Variants in TRPM4 observed in about 807,000 individuals in gnomAD.
TRPM4 encodes the protein calcium-activated non-selective cation channel 1.
In TRPM4, 124 loss-of-function variants were observed where a neutral mutation model predicts 135.6. The observed-to-expected ratio is 0.91, with a 90% CI of 0.79 to 1.06. TRPM4 has a LOEUF of 1.06. TRPM4 is among the 50% of genes least tolerant of loss of function. The probability of loss-of-function intolerance (pLI) is 0.00; values close to 1 mark genes in which losing one functional copy is unlikely to be tolerated. For missense variants in TRPM4, 1,658 were observed against 1,671.4 expected (o/e 0.99, Z 0.14); for synonymous variants, 745 against 705.6 (o/e 1.06, Z -0.88).
intron 1 of TRPM4, 110 bp from the exon 2 acceptor site, chr19:49,158,082 G>A: frequency 7.6e-7 from 1 of 1,319,426 alleles, no homozygotes. Flanking sequence ...TGGGGGCCCG[G>A]ACTCCTGTGT....
chr19:49,195,792 T>C (rs1045742277), intron 16 of TRPM4, among the ~76,000 whole-genome samples: 3 of 150,988 alleles, frequency 2.0e-5, no homozygotes, highest in Non-Finnish European at 2.9e-5. Context: ...CAAGTGATCC[T>C]CCCATTTCAG....
intron 2 of TRPM4, among the ~76,000 whole-genome samples, chr19:49,162,723 G>A (rs755077176): frequency 2.0e-5 from 3 of 152,086 alleles, no homozygotes; most frequent in African/African-American, 7.2e-5. Context: ...CTGGCCACAG[G>A]GGGCTACTGG....
Position 49,210,483 on chromosome 19 carries a change from C to G in TRPM4, c.3328+78C>G. ...GAAGGCGAGGGGAAGGGGGCATGCCCCAAATGACTAACGGGCGTGGCTTAG... is the reference window on the plus strand; with the variant it reads ...GAAGGCGAGGGGAAGGGGGCATGCCGCAAATGACTAACGGGCGTGGCTTAG... On this transcript the variant is annotated intron_variant, in intron 21 of 24. Coordinates refer to ENST00000252826, the MANE Select transcript of TRPM4 (RefSeq NM_017636.4). The surrounding 1 kb of genome is among the most constrained non-coding windows in gnomAD (Gnocchi z 4.1). 6.5e-7 allele frequency: 1 copy of G among 1,546,532 alleles called. No individual in the cohort carries two copies. The highest frequency in any genetic ancestry group is 1.1e-5 in the South Asian group (1 of 88,640).
At chr19:49,170,262 C>T (rs1967401861) in intron 6 of TRPM4, among the ~76,000 whole-genome samples, 1 of 152,124 alleles carries the variant, frequency 6.6e-6, no homozygotes, top group East Asian at 1.9e-4. Context: ...GATCTCAGCT[C>T]ACTGCAACTT....
At chr19:49,172,186 A>G in intron 9 of TRPM4, 78 bp downstream of exon 9, 1 of 1,113,818 alleles carries the variant, frequency 9.0e-7, no homozygotes, top group South Asian at 1.3e-5. Flanking sequence ...CACTTCATCC[A>G]CCCTCTCTAA....
rs775649593 is a variant in TRPM4, at chr19:49,167,982, C to T, written c.333C>T (p.Gly111=). The T allele has an allele frequency of 1.2e-6, 2 of 1,614,070 alleles. No individual in the cohort carries two copies. Among genetic ancestry groups the T allele is most frequent in the East Asian group, 2.2e-5 (1 of 44,886 alleles). Residue 111 remains glycine (G), a synonymous_variant, in exon 4 of 25, where the codon GGC becomes GGT. Transcript: ENST00000252826. ...AVYSLVTRTW[G]FRAPNLVVSV... is the part of the protein sequence containing the mutation. ...ATAGTCTGGTCACACGCACATGGGG[C>T]TTCCGTGCCCCGAACCTGGTGGTGT...
intron 12 of TRPM4, among the ~76,000 whole-genome samples, chr19:49,183,645 C>T (rs1968084794): frequency 6.6e-6 from 1 of 151,802 alleles, no homozygotes; most frequent in Non-Finnish European, 1.5e-5. Flanking sequence ...TCAAGTGATC[C>T]ACCCGCCTCG....
intron 3 of TRPM4, chr19:49,167,534 C>T (rs1171231573): frequency 4.0e-4 from 95 of 235,208 alleles, no homozygotes; most frequent in African/African-American, 1.5e-3. Context: ...TCTTTGTCCC[C>T]GTCTCTCTGG....
At chr19:49,206,805 ATCTAGGTGT>A (rs1344917447) in intron 20 of TRPM4, among the ~76,000 whole-genome samples, 3 of 152,160 alleles carry the variant, frequency 2.0e-5, no homozygotes, top group Non-Finnish European at 4.4e-5. Context: ...TTGATATTTC[ATCTAGGTGT>A]TCTTTTTAAT....
intron 20 of TRPM4, among the ~76,000 whole-genome samples, chr19:49,207,812 C>T (rs1052630491): frequency 6.6e-6 from 1 of 151,774 alleles, no homozygotes; most frequent in African/African-American, 2.4e-5. Flanking sequence ...TGTGCAGAGA[C>T]AAGAGATTGT....
intron 15 of TRPM4, among the ~76,000 whole-genome samples, 171 bp downstream of exon 15, chr19:49,190,491 G>T (rs898468931): frequency 6.6e-6 from 1 of 152,146 alleles, no homozygotes; most frequent in Non-Finnish European, 1.5e-5. Flanking sequence ...GTTTTGGGGG[G>T]GATCCTCCCT....
In TRPM4 at chr19:49,211,677, C is replaced by T. The variant is rs1007549924; in HGVS notation, c.*179C>T. On this transcript the variant is annotated 3_prime_UTR_variant, in exon 25 of 25. Transcript: ENST00000252826. The surrounding 1 kb of genome is among the most constrained non-coding windows in gnomAD (Gnocchi z 4.8). The stretch of plus-strand genomic sequence containing the variant: ...TCATCCTTACAAACCACAGCATGCC[C>T]GGCTCCTCCCAGAACCAGTCCCAGC... 27 of 800,158 alleles carry T rather than the reference C, an allele frequency of 3.4e-5. No homozygotes were observed. Among genetic ancestry groups the T allele is most frequent in the Middle Eastern group, 2.9e-4 (1 of 3,414 alleles). The allele number at this position is 800,158 out of a possible 1,614,324, so 49.6% of individuals were successfully genotyped here.
Position 49,203,190 on chromosome 19 carries a change from C to CT in TRPM4, c.3131+1056dup, listed in dbSNP as rs1026489798. Among the ~76,000 whole-genome samples, 165 of 147,226 alleles carry CT rather than the reference C, an allele frequency of 1.1e-3. 1 individual carries two copies. Among genetic ancestry groups the CT allele is most frequent in the African/African-American group, 3.9e-3 (153 of 39,588 alleles). On this transcript the variant is annotated intron_variant, in intron 20 of 24. Coordinates refer to ENST00000252826, the MANE Select transcript of TRPM4 (RefSeq NM_017636.4). ...ACAGGCGTGAGCCACCGCGCCCCGC[C>CT]TTTTTTTGAGATGGAGTCTCGCTCT...
intron 10 of TRPM4, 185 bp from the exon 11 acceptor site, chr19:49,182,393 T>TCA (rs2122929899): frequency 1.8e-6 from 1 of 561,704 alleles, no homozygotes; most frequent in Non-Finnish European, 3.2e-6. Flanking sequence ...TCCATCCATC[T>TCA]GCCCATCCAT....
intron 2 of TRPM4, among the ~76,000 whole-genome samples, chr19:49,161,127 A>C (rs996146492): frequency 6.6e-6 from 1 of 151,982 alleles, no homozygotes; most frequent in African/African-American, 2.4e-5. Flanking sequence ...AAAGGTCTGG[A>C]CTAATGTCCA....
At position 49,203,214 on chromosome 19, in the gene TRPM4, C is replaced by G. The variant is rs547853356; in HGVS notation, c.3131+1073C>G. On this transcript the variant is annotated intron_variant, in intron 20 of 24. Transcript: ENST00000252826. The stretch of plus-strand genomic sequence containing the variant: ...CCTTTTTTTGAGATGGAGTCTCGCT[C>G]TGTCGCCCAGGCTGGAGTGCAATGG... Among the ~76,000 whole-genome samples, 25 of 149,788 alleles carry G rather than the reference C, an allele frequency of 1.7e-4. 1 individual carries two copies. Among genetic ancestry groups the G allele is most frequent in the Admixed American group, 1.4e-3 (21 of 14,932 alleles).
chr19:49,173,503 T>C (rs1476640969), intron 9 of TRPM4, among the ~76,000 whole-genome samples: 1 of 152,206 alleles, frequency 6.6e-6, no homozygotes, highest in East Asian at 1.9e-4. Context: ...GCTTCCAATA[T>C]ACATGAAGCA....
At chr19:49,163,562 G>T (rs1967052906) in intron 2 of TRPM4, among the ~76,000 whole-genome samples, 1 of 151,994 alleles carries the variant, frequency 6.6e-6, no homozygotes, top group Non-Finnish European at 1.5e-5. Flanking sequence ...TGTGATCATG[G>T]CTTATTGCAG....
At position 49,171,536 on chromosome 19, in the gene TRPM4, C is replaced by A; in HGVS notation, c.859-42C>A. The A allele has an allele frequency of 1.9e-6, 3 of 1,613,204 alleles. No homozygotes were observed. Among genetic ancestry groups the A allele is most frequent in the Non-Finnish European group, 2.5e-6 (3 of 1,179,396 alleles). On this transcript the variant is annotated intron_variant, in intron 7 of 24. Coordinates refer to ENST00000252826, the MANE Select transcript of TRPM4 (RefSeq NM_017636.4). The surrounding 1 kb of genome is among the most constrained non-coding windows in gnomAD (Gnocchi z 4.7). Reference sequence around the variant, plus strand: ...GACTCCGGGTAGGGTGAATATCCTGCCTTTTCTGACGTGATGAATAAAGAA... The same window carrying A: ...GACTCCGGGTAGGGTGAATATCCTGACTTTTCTGACGTGATGAATAAAGAA...
Sources: allele counts gnomAD v4.1 joint callset (sites outside exome capture counted in the v4.1 genomes callset), GRCh38; gene constraint gnomAD v4.1.1; non-coding constraint Gnocchi (gnomAD v3.1); transcripts MANE v1.5; gene names NCBI Gene and HGNC (gene_info 2026-07-23, HGNC 2026-07-21).